The following RAP1GAP2 variants were observed in gnomAD, a reference collection of about 807,000 sequenced individuals.
RAP1GAP2 encodes RAP1 GTPase activating protein 2, also known as rap1 GTPase-activating protein 2.
RAP1GAP2 carries 27 observed loss-of-function variants against 95.0 expected under a neutral mutation model. That is an observed-to-expected ratio of 0.28 (90% CI 0.21 to 0.39). The LOEUF (loss-of-function observed/expected upper bound fraction) is 0.39, where lower values mean the gene tolerates loss of function less well. Among genes scored for constraint, RAP1GAP2 ranks in the 10% least tolerant of loss-of-function variants. The pLI, the probability that RAP1GAP2 is intolerant of heterozygous loss-of-function variation, is 1.00. For missense variants in RAP1GAP2, 771 were observed against 970.0 expected (o/e 0.79, Z 2.72); for synonymous variants, 373 against 380.9 (o/e 0.98, Z 0.24).
At position 2,867,464 on chromosome 17, in the gene RAP1GAP2, C is replaced by A. The variant is rs11656002; in HGVS notation, c.81-37820C>A. On this transcript the variant is annotated intron_variant, in intron 2 of 24. Transcript: ENST00000254695. This position sits in a 1 kb window ranked among gnomAD's most constrained non-coding sequence, Gnocchi z 4.5. ...TCCACGAAGATGGACGATGGCTGCC[C>A]TGGGCTGACCTTCTACCCACTTAGC... Among the ~76,000 whole-genome samples, 6 of 151,958 alleles carry A rather than the reference C, an allele frequency of 3.9e-5. No individual in the cohort carries two copies. Among genetic ancestry groups the A allele is most frequent in the East Asian group, 1.9e-4 (1 of 5,162 alleles).
intron 2 of RAP1GAP2, among the ~76,000 whole-genome samples, chr17:2,873,872 C>T (rs902404602): frequency 2.6e-5 from 4 of 152,060 alleles, no homozygotes; most frequent in African/African-American, 7.3e-5. Context: ...AAGTGATTCT[C>T]CTGCCTCAGC....
chr17:2,995,427 T>A lies in RAP1GAP2; in HGVS notation c.1005T>A (p.Val335=). 6.2e-7 allele frequency: 1 copy of A among 1,613,952 alleles called. No homozygotes were observed. Among genetic ancestry groups the A allele is most frequent in the East Asian group, 2.2e-5 (1 of 44,866 alleles). ...GGGACAGGGAGATCATGTTTCACGT[T>A]TCCACAAAGCTGCCATTTACCGACG... ...TFRDREIMFH[V]STKLPFTDGD... The change falls in exon 13 of 25, where the codon GTT becomes GTA. Residue 335 remains valine, a synonymous_variant. Transcript: ENST00000254695.
intron 1 of RAP1GAP2, among the ~76,000 whole-genome samples, chr17:2,758,088 G>C (rs188305521): frequency 4.4e-4 from 66 of 149,260 alleles, no homozygotes; most frequent in East Asian, 8.0e-4. Context: ...CCCGGATGGT[G>C]TCGATCTCCT....
chr17:2,843,188 C>G (rs2071439781), intron 2 of RAP1GAP2, among the ~76,000 whole-genome samples: 1 of 152,020 alleles, frequency 6.6e-6, no homozygotes, highest in South Asian at 2.1e-4. Flanking sequence ...TGCAGAATCA[C>G]TAAGGGTGTG....
intron 2 of RAP1GAP2, among the ~76,000 whole-genome samples, chr17:2,839,176 G>A (rs937642512): frequency 6.6e-6 from 1 of 151,964 alleles, no homozygotes; most frequent in Non-Finnish European, 1.5e-5. Flanking sequence ...GGTGGCGGAC[G>A]CCTGTAATCC....
intron 8 of RAP1GAP2, among the ~76,000 whole-genome samples, chr17:2,971,992 A>T (rs1331829760): frequency 6.6e-6 from 1 of 152,216 alleles, no homozygotes; most frequent in Non-Finnish European, 1.5e-5. Flanking sequence ...ATGACCACAG[A>T]TGTGAAGAAG....
intron 2 of RAP1GAP2, among the ~76,000 whole-genome samples, chr17:2,836,060 T>A (rs2071113547): frequency 6.6e-6 from 1 of 151,974 alleles, no homozygotes; most frequent in Non-Finnish European, 1.5e-5. Context: ...CATCTGGGTG[T>A]TAGGAGGTAG....
At chr17:2,891,833 T>TTTTTTTTTTTTTTTG in intron 2 of RAP1GAP2, among the ~76,000 whole-genome samples, 1 of 134,922 alleles carries the variant, frequency 7.4e-6, no homozygotes, top group African/African-American at 2.8e-5. Context: ...TTTTTTTTTT[T>TTTTTTTTTTTTTTTG]TTTTTTTGAG....
intron 12 of RAP1GAP2, among the ~76,000 whole-genome samples, chr17:2,993,589 T>A (rs922928247): frequency 1.4e-4 from 21 of 147,244 alleles, no homozygotes; most frequent in African/African-American, 3.7e-4. Flanking sequence ...AAAAAATAAA[T>A]AAATAAATAA....
rs1230154224 is a variant in RAP1GAP2 at position 3,005,706 on chromosome 17, A to G, written c.1273-249A>G. Reference sequence around the variant, plus strand: ...GGGCTTTTATGTTGAGCCCCGGTCAAGGAGCCTTGGGCAGGAATGAGCTCC... The same window carrying G: ...GGGCTTTTATGTTGAGCCCCGGTCAGGGAGCCTTGGGCAGGAATGAGCTCC... On this transcript the variant is annotated intron_variant, in intron 15 of 24. Coordinates refer to ENST00000254695, the MANE Select transcript of RAP1GAP2 (RefSeq NM_015085.5). The surrounding 1 kb of genome is among the most constrained non-coding windows in gnomAD (Gnocchi z 5.2). Among the ~76,000 whole-genome samples the G allele has an allele frequency of 6.6e-6, 1 of 152,166 alleles. No individual in the cohort carries two copies. Among genetic ancestry groups the G allele is most frequent in the African/African-American group, 2.4e-5 (1 of 41,454 alleles).
At chr17:2,896,079 C>G (rs79461475) in intron 2 of RAP1GAP2, among the ~76,000 whole-genome samples, 1 of 152,044 alleles carries the variant, frequency 6.6e-6, no homozygotes, top group Non-Finnish European at 1.5e-5. Flanking sequence ...TGTGCGATCC[C>G]GTAGCTGGTC....
intron 1 of RAP1GAP2, among the ~76,000 whole-genome samples, chr17:2,767,359 TAAAAA>T (rs397857982): frequency 3.7e-5 from 2 of 53,710 alleles, no homozygotes; most frequent in East Asian, 7.5e-4. Context: ...GAGACTCTGT[TAAAAA>T]AAAAAAAAAA....
At chr17:2,826,248 G>A (rs188960786) in intron 2 of RAP1GAP2, among the ~76,000 whole-genome samples, 1 of 150,108 alleles carries the variant, frequency 6.7e-6, no homozygotes, top group East Asian at 2.0e-4. Context: ...CCCCGCCTCG[G>A]CCTCCCCAAG....
chr17:2,848,109 C>T (rs1039578233), intron 2 of RAP1GAP2, among the ~76,000 whole-genome samples: 8 of 152,156 alleles, frequency 5.3e-5, no homozygotes, highest in East Asian at 1.9e-4. Flanking sequence ...ATTGACATCA[C>T]GTACTGCAGG....
chr17:2,799,293 CAA>C (rs1038531743), intron 1 of RAP1GAP2, among the ~76,000 whole-genome samples: 26 of 152,258 alleles, frequency 1.7e-4, no homozygotes, highest in African/African-American at 6.3e-4. Flanking sequence ...GGAAGGGACT[CAA>C]GAGGACGTGT....
chr17:2,977,852 T>TA (rs2045194907), intron 8 of RAP1GAP2, among the ~76,000 whole-genome samples: 1 of 125,824 alleles, frequency 7.9e-6, no homozygotes, highest in Non-Finnish European at 1.7e-5. Flanking sequence ...CACAAGAAAA[T>TA]AAAAAATAGG....
intron 4 of RAP1GAP2, 140 bp downstream of exon 4, chr17:2,957,934 C>T: frequency 1.1e-6 from 1 of 936,840 alleles, no homozygotes; most frequent in Non-Finnish European, 1.5e-6. Flanking sequence ...CCCCTTGGCC[C>T]AGACAACCTG....
chr17:2,788,815 C>T (rs1009860954), intron 1 of RAP1GAP2, among the ~76,000 whole-genome samples: 3 of 152,176 alleles, frequency 2.0e-5, no homozygotes, highest in Non-Finnish European at 4.4e-5. Context: ...TATTCAAGCT[C>T]TCAGTGGATT....
chr17:2,940,347 C>A (rs144478735), intron 3 of RAP1GAP2, among the ~76,000 whole-genome samples: 9 of 152,318 alleles, frequency 5.9e-5, no homozygotes, highest in Middle Eastern at 3.4e-3. Flanking sequence ...TGGGTCCTGG[C>A]AGAGGGCTGG....
Sources: gnomAD v4.1 joint callset for allele counts (sites outside exome capture counted in the v4.1 genomes callset) on GRCh38, gnomAD v4.1.1 for gene constraint, Gnocchi (gnomAD v3.1) non-coding constraint, MANE v1.5 for transcripts, NCBI Gene and HGNC (gene_info 2026-07-23, HGNC 2026-07-21) for gene names.